Variants in STK38L observed in about 807,000 individuals in gnomAD.
STK38L encodes serine/threonine kinase 38 like, also known as serine/threonine-protein kinase 38-like.
STK38L carries 28 observed loss-of-function variants against 59.7 expected under a neutral mutation model. That is an observed-to-expected ratio of 0.47 (90% CI 0.35 to 0.64). The LOEUF (loss-of-function observed/expected upper bound fraction) is 0.64. STK38L is among the 30% of genes least tolerant of loss of function. The pLI, the probability that STK38L is intolerant of heterozygous loss-of-function variation, is 0.01. For missense variants in STK38L, 314 were observed against 555.8 expected, an observed-to-expected ratio of 0.56 and a Z score of 4.37; for synonymous variants, 162 against 176.8, an observed-to-expected ratio of 0.92 and a Z score of 0.66.
chr12:27,307,952 A>G (rs1400430461), intron 3 of STK38L, among the ~76,000 whole-genome samples: 1 of 152,222 alleles, frequency 6.6e-6, no homozygotes, highest in East Asian at 1.9e-4. Context: ...TAGTTGTGAA[A>G]GAGCAACCTT....
chr12:27,282,227 T>C (rs1943675879), intron 1 of STK38L, among the ~76,000 whole-genome samples: 1 of 152,228 alleles, frequency 6.6e-6, no homozygotes, highest in Admixed American at 6.5e-5. Context: ...TATTGATTTA[T>C]AGGAAAGTGT....
At chr12:27,300,672 T>A (rs1944145882) in intron 2 of STK38L, 1 of 452,220 alleles carries the variant, frequency 2.2e-6, no homozygotes, top group South Asian at 1.6e-5. Flanking sequence ...CTAGGGGAAA[T>A]AATGCATAAA....
At chr12:27,298,427 G>GT (rs1215205245) in intron 2 of STK38L, 1 of 152,370 alleles carries the variant, frequency 6.6e-6, no homozygotes, top group Non-Finnish European at 1.5e-5. Flanking sequence ...GGGCAACAGA[G>GT]TGAGACTTTG....
rs867673191 is a variant in STK38L at position 27,299,494 on chromosome 12, T to C, written c.134+1640T>C. On this transcript the variant is annotated intron_variant, in intron 2 of 13. Transcript: ENST00000389032. Reference sequence around the variant, plus strand: ...TAGGCAGAAGGAAAGTGACCACAAATAGAAGATTTAAATGGTAAGTAGGTG... The same window carrying C: ...TAGGCAGAAGGAAAGTGACCACAAACAGAAGATTTAAATGGTAAGTAGGTG... Among the ~76,000 whole-genome samples, 9 of 152,084 alleles carry C rather than the reference T, an allele frequency of 5.9e-5. No individual in the cohort carries two copies. The South Asian group carries it at 1.4e-3, about 24-fold the overall frequency.
chr12:27,258,607 G>A (rs1441884498), intron 1 of STK38L, among the ~76,000 whole-genome samples: 2 of 151,066 alleles, frequency 1.3e-5, no homozygotes, highest in African/African-American at 2.5e-5. Context: ...GGGATTATAG[G>A]CGTGAGCCCC....
At chr12:27,246,698 TTTTG>T (rs1453778604) in intron 1 of STK38L, among the ~76,000 whole-genome samples, 1 of 152,164 alleles carries the variant, frequency 6.6e-6, no homozygotes. Flanking sequence ...CCCCCAAAAT[TTTTG>T]TTTAAGTCTT....
At chr12:27,268,741 T>TA (rs1293581821) in intron 1 of STK38L, among the ~76,000 whole-genome samples, 1 of 152,176 alleles carries the variant, frequency 6.6e-6, no homozygotes, top group Non-Finnish European at 1.5e-5. Context: ...ACCAACAGTG[T>TA]AAAAGTGTTC....
intron 8 of STK38L, 54 bp downstream of exon 8, chr12:27,315,171 C>T: frequency 6.3e-7 from 1 of 1,581,864 alleles, no homozygotes; most frequent in South Asian, 1.1e-5. Context: ...CTGTAGAGAA[C>T]AGAAGGTTCT....
At chr12:27,248,094 G>T (rs1291757068) in intron 1 of STK38L, among the ~76,000 whole-genome samples, 1 of 152,158 alleles carries the variant, frequency 6.6e-6, no homozygotes, top group African/African-American at 2.4e-5. Flanking sequence ...GATTACAGGT[G>T]TGAGCCAATG....
At chr12:27,276,990 T>A (rs1212401991) in intron 1 of STK38L, among the ~76,000 whole-genome samples, 1 of 152,210 alleles carries the variant, frequency 6.6e-6, no homozygotes. Flanking sequence ...GTGTCTTGCC[T>A]TTTATAAAGC....
chr12:27,254,045 A>T (rs997361648), intron 1 of STK38L, among the ~76,000 whole-genome samples: 1 of 152,236 alleles, frequency 6.6e-6, no homozygotes, highest in Non-Finnish European at 1.5e-5. Flanking sequence ...TAAAGATACC[A>T]TCAGCCAGAG....
chr12:27,288,939 G>A (rs988501670), intron 1 of STK38L, among the ~76,000 whole-genome samples: 2 of 149,734 alleles, frequency 1.3e-5, no homozygotes, highest in Non-Finnish European at 2.9e-5. Flanking sequence ...GCTCGTGTGT[G>A]TGCCAGTAAT....
rs865825336 is a variant in STK38L, at chr12:27,255,398, A to G, written c.-12+11066A>G. Among the ~76,000 whole-genome samples the G allele has an allele frequency of 7.2e-5, 11 of 152,346 alleles. No homozygotes were observed. The Middle Eastern group carries it at 0.01, about 141-fold the overall frequency. On this transcript the variant is annotated intron_variant, in intron 1 of 13. Coordinates refer to ENST00000389032, the MANE Select transcript of STK38L (RefSeq NM_015000.4). ...AAATTTATTTTTTAGAACTTACACA[A>G]GATATTGGACTGACAAAGCCAAAAA...
chr12:27,290,831 A>G (rs570646539), intron 1 of STK38L, among the ~76,000 whole-genome samples: 13 of 152,338 alleles, frequency 8.5e-5, no homozygotes, highest in Admixed American at 7.2e-4. Flanking sequence ...CAGACTTTTC[A>G]GGAGAAACCA....
chr12:27,308,411 T>C lies in STK38L; in HGVS notation c.259T>C (p.Leu87=). 1 of 1,599,434 alleles carries C rather than the reference T, an allele frequency of 6.3e-7. No individual in the cohort carries two copies. Among genetic ancestry groups the C allele is most frequent in the Non-Finnish European group, 8.5e-7 (1 of 1,171,268 alleles). The change falls in exon 4 of 14, where the codon TTG becomes CTG. Residue 87 remains leucine, a synonymous_variant. Transcript: ENST00000389032. The surrounding 1 kb of genome is among the most constrained non-coding windows in gnomAD (Gnocchi z 4.5). ...FLRLKRTRLG[L]DDFESLKVIG... Reference sequence around the variant, plus strand: ...ACGGCTCAAAAGGACCAGACTTGGCTTGGATGACTTTGAGTCTCTGAAAGT... The same window carrying C: ...ACGGCTCAAAAGGACCAGACTTGGCCTGGATGACTTTGAGTCTCTGAAAGT...
chr12:27,301,797 TA>T (rs1253350062), intron 2 of STK38L, among the ~76,000 whole-genome samples: 1 of 152,194 alleles, frequency 6.6e-6, no homozygotes, highest in African/African-American at 2.4e-5. Context: ...ATATTTCTAA[TA>T]TAAGCATTGG....
At chr12:27,249,572 A>G (rs892737928) in intron 1 of STK38L, among the ~76,000 whole-genome samples, 1 of 152,172 alleles carries the variant, frequency 6.6e-6, no homozygotes, top group Non-Finnish European at 1.5e-5. Flanking sequence ...TCCCGACCTC[A>G]GGTGATCCGC....
At chr12:27,250,996 CAAAA>C (rs34643896) in intron 1 of STK38L, among the ~76,000 whole-genome samples, 7 of 104,954 alleles carry the variant, frequency 6.7e-5, no homozygotes, top group Admixed American at 1.9e-4. Flanking sequence ...GACTCTGTCT[CAAAA>C]AAAAAAAAAA....
chr12:27,311,941 G>A (rs1051177839), intron 5 of STK38L, among the ~76,000 whole-genome samples: 15 of 151,750 alleles, frequency 9.9e-5, no homozygotes, highest in African/African-American at 2.9e-4. Context: ...GTGCAGTGAC[G>A]CAATCTCGGC....
Sources: allele counts gnomAD v4.1 joint callset (sites outside exome capture counted in the v4.1 genomes callset), GRCh38; gene constraint gnomAD v4.1.1; non-coding constraint Gnocchi (gnomAD v3.1); transcripts MANE v1.5; gene names NCBI Gene and HGNC (gene_info 2026-07-23, HGNC 2026-07-21).